Variants in PPP1R1C observed in about 807,000 individuals in gnomAD.
PPP1R1C encodes protein phosphatase 1 regulatory subunit 1C.
In PPP1R1C, 15 loss-of-function variants were observed where a neutral mutation model predicts 17.4. The observed-to-expected ratio is 0.86, with a 90% CI of 0.58 to 1.33. The LOEUF (loss-of-function observed/expected upper bound fraction) is 1.33. Among genes scored for constraint, PPP1R1C ranks in the 40% most tolerant of loss-of-function variants. PPP1R1C has a pLI of 0.00. For missense variants in PPP1R1C, 143 were observed against 130.0 expected (o/e 1.10, Z -0.48); for synonymous variants, 35 against 43.1 (o/e 0.81, Z 0.73).
chr2:182,099,203 A>G (rs1362134924), intron 4 of PPP1R1C, among the ~76,000 whole-genome samples: 1 of 152,176 alleles, frequency 6.6e-6, no homozygotes, highest in East Asian at 1.9e-4. Context: ...AGCAGCCACA[A>G]TTTCTCCAGT....
In PPP1R1C at chr2:182,061,473, AG is replaced by A. The variant is rs997821451; in HGVS notation, c.178del (p.Glu60AsnfsTer20). ...ATGACAAGAGGGGGCCCAACACACA[AG>A]GGGAAGTAAGTTTTTAAAAATATTT... ...IDDKRGPNTQ[G>X]ELQNASPKQR... On this transcript the variant is annotated frameshift_variant, in exon 3 of 5. Transcript: ENST00000682840. LOFTEE classifies it high-confidence loss of function. 1 of 1,467,020 alleles carries A rather than the reference AG, an allele frequency of 6.8e-7. No individual in the cohort carries two copies. The highest frequency in any genetic ancestry group is 9.0e-7 in the Non-Finnish European group (1 of 1,111,718). The allele number at this position is 1,467,020 out of a possible 1,614,324, so 90.9% of individuals were successfully genotyped here.
chr2:181,960,657 A>G (rs1166677987), intron 1 of PPP1R1C, among the ~76,000 whole-genome samples: 1 of 152,094 alleles, frequency 6.6e-6, no homozygotes, highest in Non-Finnish European at 1.5e-5. Flanking sequence ...TCTCTCTGCC[A>G]TGGGCCCTTG....
intron 4 of PPP1R1C, among the ~76,000 whole-genome samples, chr2:182,076,035 A>G (rs955178595): frequency 6.6e-6 from 1 of 151,794 alleles, no homozygotes; most frequent in Admixed American, 6.6e-5. Context: ...GTATTATTTT[A>G]TCTTTAAGTT....
intron 2 of PPP1R1C, among the ~76,000 whole-genome samples, chr2:181,979,589 G>A (rs1341226413): frequency 6.6e-6 from 1 of 152,112 alleles, no homozygotes; most frequent in Non-Finnish European, 1.5e-5. Flanking sequence ...CTTTGCATGG[G>A]CAAGAATGAC....
chr2:182,064,156 A>C (rs901412346), intron 4 of PPP1R1C: 1 of 226,174 alleles, frequency 4.4e-6, no homozygotes, highest in Non-Finnish European at 8.7e-6. Flanking sequence ...TGGCTAAAGC[A>C]AAGCAGAATA....
chr2:182,092,008 A>T (rs2368292), intron 4 of PPP1R1C, among the ~76,000 whole-genome samples: 39,538 of 152,078 alleles, frequency 0.26, 5,568 homozygotes, highest in African/African-American at 0.37. Flanking sequence ...TGTAGAATTT[A>T]AAAAAATGTA....
chr2:182,003,034 T>C (rs1425082197), intron 2 of PPP1R1C, among the ~76,000 whole-genome samples: 1 of 148,208 alleles, frequency 6.7e-6, no homozygotes, highest in Non-Finnish European at 1.5e-5. Context: ...CCACAGGGAG[T>C]TTCCTTCAGC....
chr2:182,002,689 G>C (rs757430529), intron 2 of PPP1R1C, among the ~76,000 whole-genome samples: 82 of 152,048 alleles, frequency 5.4e-4, no homozygotes, highest in Non-Finnish European at 1.0e-3. Context: ...CAAAATATTA[G>C]AGGATTTTCA....
Position 181,962,278 on chromosome 2 carries a change from C to T in PPP1R1C, n.111+7644C>T, listed in dbSNP as rs1170745484. ...CTCCCATTCCTGCCAGACCCCCGGC[C>T]ATCCCCGCGGCCAGGTCCCCGGACC... On this transcript the variant is annotated intron_variant and non_coding_transcript_variant, in intron 1 of 5. Coordinates refer to the PPP1R1C transcript ENST00000464264. The surrounding 1 kb of genome is among the most constrained non-coding windows in gnomAD (Gnocchi z 6.0). The T allele has an allele frequency of 4.0e-6, 3 of 741,050 alleles. No individual in the cohort carries two copies. Among genetic ancestry groups the T allele is most frequent in the South Asian group, 1.5e-5 (1 of 65,738 alleles). 45.9% of individuals were successfully genotyped at this position (741,050 alleles called of 1,614,324 possible).
chr2:182,116,076 G>C (rs934952881), intron 4 of PPP1R1C, among the ~76,000 whole-genome samples: 1 of 152,010 alleles, frequency 6.6e-6, no homozygotes, highest in Non-Finnish European at 1.5e-5. Context: ...GAGTGTGGTT[G>C]TTGTAATTGT....
chr2:181,986,158 C>A lies in PPP1R1C; in HGVS notation c.48C>A (p.Phe16Leu). Residue 16 changes from phenylalanine to leucine, a missense_variant, in exon 1 of 5, where the codon TTC becomes TTA. Physicochemically the swap from Phe to Leu is conservative, Grantham distance 22. Coordinates refer to ENST00000682840, the MANE Select transcript of PPP1R1C (RefSeq NM_001080545.3). ...AGATACAGTTTGCCGTGCCTGTATT[C>A]CAGAGTCAGATTGCACCTGAAGCAG... ...PKKIQFAVPV[F>L]QSQIAPEAAE... 6.2e-7 allele frequency: 1 copy of A among 1,613,722 alleles called. No homozygotes were observed. Among genetic ancestry groups the A allele is most frequent in the Non-Finnish European group, 8.5e-7 (1 of 1,179,692 alleles).
intron 2 of PPP1R1C, among the ~76,000 whole-genome samples, chr2:181,989,961 T>C (rs1400829794): frequency 1.3e-5 from 2 of 152,096 alleles, no homozygotes. Flanking sequence ...AAGCTTATAG[T>C]TTTCCCAGTA....
intron 4 of PPP1R1C, among the ~76,000 whole-genome samples, chr2:182,114,526 A>T (rs898907144): frequency 6.6e-6 from 1 of 152,348 alleles, no homozygotes; most frequent in East Asian, 1.9e-4. Context: ...GCATTATTGC[A>T]TCTATAATCA....
chr2:181,959,779 T>A (rs1317214157), intron 1 of PPP1R1C, among the ~76,000 whole-genome samples: 1 of 152,208 alleles, frequency 6.6e-6, no homozygotes, highest in African/African-American at 2.4e-5. Context: ...TGGAGAAAGC[T>A]TTGAGCAGTA....
intron 2 of PPP1R1C, among the ~76,000 whole-genome samples, chr2:182,037,416 G>A (rs1416716304): frequency 2.6e-5 from 4 of 152,022 alleles, no homozygotes; most frequent in South Asian, 2.1e-4. Context: ...GTGAAACCCC[G>A]TCTCTACTAA....
At chr2:182,026,764 G>C (rs1455646664) in intron 2 of PPP1R1C, among the ~76,000 whole-genome samples, 1 of 151,324 alleles carries the variant, frequency 6.6e-6, no homozygotes, top group African/African-American at 2.4e-5. Flanking sequence ...TTGGTAGCTT[G>C]ATGGGGATGG....
intron 2 of PPP1R1C, among the ~76,000 whole-genome samples, chr2:182,006,750 T>C (rs1014636207): frequency 3.3e-5 from 5 of 152,164 alleles, no homozygotes; most frequent in African/African-American, 1.2e-4. Context: ...ACATGAACCA[T>C]TATTGAAGTA....
At chr2:182,084,070 G>C (rs1688557824) in intron 4 of PPP1R1C, among the ~76,000 whole-genome samples, 1 of 151,860 alleles carries the variant, frequency 6.6e-6, no homozygotes. Flanking sequence ...CTTCTATTGA[G>C]AGCTATCTAT....
chr2:182,087,517 C>G (rs1321123979), intron 4 of PPP1R1C, among the ~76,000 whole-genome samples: 1 of 152,212 alleles, frequency 6.6e-6, no homozygotes, highest in Admixed American at 6.6e-5. Context: ...GACTTTCCCA[C>G]TAAAAATAAA....
Sources: gnomAD v4.1 joint callset for allele counts (sites outside exome capture counted in the v4.1 genomes callset) on GRCh38, gnomAD v4.1.1 for gene constraint, Gnocchi (gnomAD v3.1) non-coding constraint, MANE v1.5 for transcripts, NCBI Gene and HGNC (gene_info 2026-07-23, HGNC 2026-07-21) for gene names.